The following GABRR2 variants were observed in gnomAD, a reference collection of about 807,000 sequenced individuals.
The protein encoded by GABRR2 is gamma-aminobutyric acid receptor subunit rho-2.
A neutral mutation model predicts 47.0 loss-of-function variants in GABRR2; 36 were observed. The ratio of observed to expected loss-of-function variants is 0.77; its 90% CI spans 0.59 to 1.01. The LOEUF (loss-of-function observed/expected upper bound fraction) is 1.01. GABRR2 is among the 50% of genes least tolerant of loss of function. The pLI, the probability that GABRR2 is intolerant of heterozygous loss-of-function variation, is 0.00. For missense variants in GABRR2, 587 were observed against 594.6 expected (o/e 0.99, Z 0.13); for synonymous variants, 204 against 227.5 (o/e 0.90, Z 0.93).
In GABRR2 at chr6:89,269,772, T is replaced by C. The variant is rs530076524; in HGVS notation, c.289-538A>G. ...GGCAAAGCACAGAGTAGATGCTCAA[T>C]AGATATTTGCTGGTTGAAAGATCGG... On this transcript the variant is annotated intron_variant, in intron 3 of 8. Transcript: ENST00000402938. Among the ~76,000 whole-genome samples, 30 of 152,358 alleles carry C rather than the reference T, an allele frequency of 2.0e-4. No individual in the cohort carries two copies. In the South Asian group the frequency reaches 5.6e-3, roughly 28 times the overall value.
In GABRR2 at chr6:89,299,026, G is replaced by A. The variant is rs560459374; in HGVS notation, c.220+733C>T. Among the ~76,000 whole-genome samples, 6 of 152,230 alleles carry A rather than the reference G, an allele frequency of 3.9e-5. No homozygotes were observed. The East Asian group carries it at 5.8e-4, about 15-fold the overall frequency. ...CGGCCCCTGGAAACATGAGAAATAC[G>A]TTTCCATTGTCTATAAACTGCCCAA... On this transcript the variant is annotated intron_variant, in intron 2 of 8. Transcript: ENST00000402938.
intron 2 of GABRR2, among the ~76,000 whole-genome samples, chr6:89,289,577 T>C (rs964626): frequency 0.23 from 35,646 of 151,956 alleles, 4,318 homozygotes; most frequent in East Asian, 0.45. Flanking sequence ...CAAGATCATG[T>C]GGAGAACATG....
chr6:89,309,604 T>A (rs1408506344), intron 1 of GABRR2, among the ~76,000 whole-genome samples: 1 of 152,126 alleles, frequency 6.6e-6, no homozygotes, highest in African/African-American at 2.4e-5. Flanking sequence ...TTTAGAGTAA[T>A]TTTAGGTTTG....
chr6:89,268,565 G>T (rs1206323542), intron 4 of GABRR2, among the ~76,000 whole-genome samples: 1 of 151,696 alleles, frequency 6.6e-6, no homozygotes, highest in Admixed American at 6.6e-5. Flanking sequence ...ATTTTTTTAA[G>T]ATGTGGAACA....
intron 3 of GABRR2, among the ~76,000 whole-genome samples, chr6:89,270,165 A>G (rs75564906): frequency 0.042 from 6,360 of 152,296 alleles, 163 homozygotes; most frequent in Middle Eastern, 0.075. Flanking sequence ...AGAGCAGCCA[A>G]TACCTGAGTA....
intron 2 of GABRR2, among the ~76,000 whole-genome samples, chr6:89,280,819 T>A (rs1774245976): frequency 1.3e-5 from 2 of 152,214 alleles, no homozygotes. Context: ...ATTTCTGAAG[T>A]TCTGGATTAT....
At chr6:89,269,417 G>A in intron 3 of GABRR2, 183 bp from the exon 4 acceptor site, 1 of 594,906 alleles carries the variant, frequency 1.7e-6, no homozygotes, top group Non-Finnish European at 3.0e-6. Context: ...TCATTTTTAT[G>A]CATCATGCGC....
intron 2 of GABRR2, among the ~76,000 whole-genome samples, chr6:89,276,057 T>C (rs1234323812): frequency 6.8e-6 from 1 of 147,844 alleles, no homozygotes; most frequent in Non-Finnish European, 1.5e-5. Flanking sequence ...AAATATAAAT[T>C]ATAATATAAA....
intron 2 of GABRR2, among the ~76,000 whole-genome samples, chr6:89,275,779 T>C (rs9353660): frequency 0.59 from 90,047 of 152,024 alleles, 26,716 homozygotes; most frequent in East Asian, 0.71. Context: ...CAAGTGCTCA[T>C]TTAGTGGAGC....
intron 2 of GABRR2, among the ~76,000 whole-genome samples, chr6:89,291,337 C>G (rs1439232512): frequency 3.9e-5 from 6 of 152,140 alleles, no homozygotes. Context: ...CTTCCTAAAG[C>G]CCAAGACGCA....
At position 89,254,577 on chromosome 6, in the gene GABRR2, G is replaced by A. The variant is rs1392082554; in HGVS notation, c.*3093C>T. Among the ~76,000 whole-genome samples the A allele has an allele frequency of 6.6e-6, 1 of 152,080 alleles. No homozygotes were observed. The highest frequency in any genetic ancestry group is 1.5e-5 in the Non-Finnish European group (1 of 68,002). On this transcript the variant is annotated 3_prime_UTR_variant, in exon 9 of 9. Coordinates refer to ENST00000402938, the MANE Select transcript of GABRR2 (RefSeq NM_002043.5). ...TTGGCATTCCAGAATTTGATTGTTA[G>A]TATTTTTTCTCAGTACATAAAATAT... is the stretch of plus-strand genomic sequence containing the variant.
intron 8 of GABRR2, among the ~76,000 whole-genome samples, chr6:89,261,751 A>T (rs1582432457): frequency 6.6e-6 from 1 of 152,134 alleles, no homozygotes; most frequent in African/African-American, 2.4e-5. Context: ...CGTTAAAACA[A>T]TTTGGGGCTG....
chr6:89,259,734 C>T (rs1225854335), intron 8 of GABRR2, among the ~76,000 whole-genome samples: 2 of 151,844 alleles, frequency 1.3e-5, no homozygotes, highest in Non-Finnish European at 2.9e-5. Flanking sequence ...GAACTCCTGA[C>T]CTCAAATGAT....
intron 1 of GABRR2, chr6:89,301,914 G>A: frequency 9.5e-7 from 1 of 1,055,122 alleles, no homozygotes; most frequent in Non-Finnish European, 1.5e-6. Flanking sequence ...ACTTGGAGCT[G>A]GAGCAGATCA....
chr6:89,287,202 C>T (rs1249777470), intron 2 of GABRR2, among the ~76,000 whole-genome samples: 1 of 152,172 alleles, frequency 6.6e-6, no homozygotes, highest in African/African-American at 2.4e-5. Flanking sequence ...GAAGAGGCCA[C>T]AGAATAAAGC....
chr6:89,276,448 G>A (rs929892147), intron 2 of GABRR2, among the ~76,000 whole-genome samples: 36 of 152,094 alleles, frequency 2.4e-4, no homozygotes, highest in African/African-American at 5.3e-4. Context: ...GCAGAAAAGC[G>A]TTTGTTAAAA....
chr6:89,314,997 C>T, intron 1 of GABRR2, 56 bp downstream of exon 1: 1 of 1,502,016 alleles, frequency 6.7e-7, no homozygotes, highest in South Asian at 1.2e-5. Flanking sequence ...CCCACTGTGC[C>T]ACTGCTGCTG....
Position 89,256,719 on chromosome 6 carries a change from C to T in GABRR2, c.*951G>A, listed in dbSNP as rs1176444655. ...CCATGTGGGCAATCAGCTATAAATC[C>T]ATGACCGACCCCAATAAAAAAACTG... On this transcript the variant is annotated 3_prime_UTR_variant, in exon 9 of 9. Coordinates refer to ENST00000402938, the MANE Select transcript of GABRR2 (RefSeq NM_002043.5). Among the ~76,000 whole-genome samples the T allele has an allele frequency of 2.6e-5, 4 of 152,152 alleles. No homozygotes were observed. Among genetic ancestry groups the T allele is most frequent in the Non-Finnish European group, 4.4e-5 (3 of 68,020 alleles).
At chr6:89,297,794 A>G (rs528520176) in intron 2 of GABRR2, among the ~76,000 whole-genome samples, 106 of 152,350 alleles carry the variant, frequency 7.0e-4, no homozygotes, top group Admixed American at 2.5e-3. Context: ...CAGAGGTTGC[A>G]GTGAGCTGAG....
Sources: gnomAD v4.1 joint callset for allele counts (sites outside exome capture counted in the v4.1 genomes callset) on GRCh38, gnomAD v4.1.1 for gene constraint, MANE v1.5 for transcripts, NCBI Gene and HGNC (gene_info 2026-07-23, HGNC 2026-07-21) for gene names.